Variants in SYN2 observed in about 807,000 individuals in gnomAD.
SYN2 encodes the protein synapsin II.
Under a neutral mutation model 50.9 loss-of-function variants are expected in SYN2, and 19 were observed. The ratio of observed to expected loss-of-function variants is 0.37; its 90% CI spans 0.26 to 0.55. SYN2 has a LOEUF of 0.55. Among genes scored for constraint, SYN2 ranks in the 20% least tolerant of loss-of-function variants. The pLI is 0.81. For synonymous variants in SYN2, 255 were observed against 224.9 expected (o/e 1.13, Z -1.20); for missense variants, 587 against 576.4 (o/e 1.02, Z -0.19).
intron 2 of SYN2, among the ~76,000 whole-genome samples, chr3:12,141,552 A>C (rs778667879): frequency 2.2e-4 from 33 of 152,238 alleles, no homozygotes; most frequent in Non-Finnish European, 7.3e-5. Context: ...AAACTGATAA[A>C]AAGACATTTG....
At chr3:12,179,178 C>T (rs1169457334) in intron 10 of SYN2, among the ~76,000 whole-genome samples, 2 of 151,968 alleles carry the variant, frequency 1.3e-5, no homozygotes, top group Non-Finnish European at 2.9e-5. Flanking sequence ...GGATACCAGC[C>T]CAATTAGCTT....
In SYN2 at chr3:12,168,252, G is replaced by C. The variant is rs182899314; in HGVS notation, c.1056-124G>C. ...TAAGGGTATGTGCTTGATACGGGTA[G>C]ATGGAGGGAGCAGTGGGAATGGGAG... On this transcript the variant is annotated intron_variant, in intron 8 of 12. Transcript: ENST00000621198. 6.3e-5 allele frequency: 46 copies of C among 732,128 alleles called. No individual in the cohort carries two copies. The Admixed American group carries it at 9.3e-4, about 15-fold the overall frequency. The allele number at this position is 732,128 out of a possible 1,614,324, so 45.4% of individuals were successfully genotyped here.
chr3:12,045,168 T>C (rs1045413785), intron 1 of SYN2, among the ~76,000 whole-genome samples: 1 of 152,186 alleles, frequency 6.6e-6, no homozygotes, highest in Non-Finnish European at 1.5e-5. Context: ...GTACATGTGG[T>C]ATACCATAAA....
chr3:12,163,703 A>G (rs1697713486), intron 7 of SYN2, among the ~76,000 whole-genome samples: 1 of 152,198 alleles, frequency 6.6e-6, no homozygotes. Flanking sequence ...TTTATTGTCT[A>G]GATTTGTACT....
chr3:12,040,514 G>C (rs1252685073), intron 1 of SYN2, among the ~76,000 whole-genome samples: 1 of 146,042 alleles, frequency 6.8e-6, no homozygotes, highest in Non-Finnish European at 1.5e-5. Flanking sequence ...CTCACTGCAA[G>C]CTCTGCCTCC....
At chr3:12,182,480 G>C (rs945338498) in intron 10 of SYN2, among the ~76,000 whole-genome samples, 1 of 152,210 alleles carries the variant, frequency 6.6e-6, no homozygotes, top group African/African-American at 2.4e-5. Flanking sequence ...AATCCCGTCA[G>C]GGCATAATCA....
At chr3:12,148,309 C>T (rs1257714394) in intron 4 of SYN2, among the ~76,000 whole-genome samples, 1 of 152,102 alleles carries the variant, frequency 6.6e-6, no homozygotes, top group Non-Finnish European at 1.5e-5. Flanking sequence ...CAGCAGGGCT[C>T]CCTGGCCAGA....
intron 1 of SYN2, among the ~76,000 whole-genome samples, chr3:12,036,645 A>C (rs1187257294): frequency 6.6e-6 from 1 of 152,108 alleles, no homozygotes; most frequent in African/African-American, 2.4e-5. Context: ...GGAGGGTGAA[A>C]ATCTCAAAGA....
chr3:12,149,731 T>G (rs1213010208), intron 4 of SYN2, among the ~76,000 whole-genome samples: 1 of 152,150 alleles, frequency 6.6e-6, no homozygotes, highest in Non-Finnish European at 1.5e-5. Flanking sequence ...GAGTCACCAA[T>G]TGTTTGTCAC....
chr3:12,188,971 T>C (rs1553624218), intron 12 of SYN2, among the ~76,000 whole-genome samples: 1 of 152,240 alleles, frequency 6.6e-6, no homozygotes, highest in Non-Finnish European at 1.5e-5. Context: ...TCATCCCCAG[T>C]ACTCTGCCTG....
chr3:12,078,563 C>T (rs1226770912), intron 1 of SYN2, among the ~76,000 whole-genome samples: 1 of 152,132 alleles, frequency 6.6e-6, no homozygotes, highest in Admixed American at 6.5e-5. Flanking sequence ...AATAGGAAAT[C>T]CTTTCCCCAT....
intron 1 of SYN2, among the ~76,000 whole-genome samples, chr3:12,024,264 C>T (rs1034830206): frequency 6.9e-6 from 1 of 145,712 alleles, no homozygotes; most frequent in African/African-American, 2.5e-5. Flanking sequence ...TCAAGCGATT[C>T]TCCTGCCTCA....
At chr3:12,117,958 A>G (rs1223250740) in intron 1 of SYN2, among the ~76,000 whole-genome samples, 1 of 152,196 alleles carries the variant, frequency 6.6e-6, no homozygotes, top group Admixed American at 6.5e-5. Context: ...ACAGAGATGC[A>G]TGTGATAGGC....
chr3:12,027,951 CT>C (rs35864647), intron 1 of SYN2, among the ~76,000 whole-genome samples: 83,784 of 140,936 alleles, frequency 0.59, 26,228 homozygotes, highest in South Asian at 0.75. Context: ...ATAAGTAATT[CT>C]TTTTTTTTTT....
rs310764 is a variant in SYN2 at position 12,190,574 on chromosome 3, A to G, written c.1698A>G (p.Ala566=). Residue 566 remains alanine, a synonymous_variant, in exon 13 of 13, where the codon GCA becomes GCG. Transcript: ENST00000621198. ...CAGCCAATGAGGATGAAGCCAAAGC[A>G]GAGACCATCCGGAGCTTGAGGAAGT... ...RSSANEDEAK[A]ETIRSLRKSF... 1,474,462 of 1,613,242 alleles carry G rather than the reference A, an allele frequency of 0.91. 674,526 individuals carry two copies. Among genetic ancestry groups the G allele is most frequent in the East Asian group, 1 (44,804 of 44,816 alleles).
chr3:12,100,211 TC>T (rs1696042377), intron 1 of SYN2, among the ~76,000 whole-genome samples: 1 of 152,112 alleles, frequency 6.6e-6, no homozygotes, highest in Admixed American at 6.5e-5. Context: ...ACTGGAGAAT[TC>T]CCATTTCCTG....
At chr3:12,071,085 G>A (rs947060143) in intron 1 of SYN2, 4 of 561,204 alleles carry the variant, frequency 7.1e-6, no homozygotes, top group African/African-American at 5.7e-5. Flanking sequence ...ACTCCATCAT[G>A]AAGTGTGATG....
intron 1 of SYN2, among the ~76,000 whole-genome samples, chr3:12,061,435 G>A (rs1695110994): frequency 6.6e-6 from 1 of 151,992 alleles, no homozygotes; most frequent in Non-Finnish European, 1.5e-5. Flanking sequence ...TACAAAAAAA[G>A]CCTATATTGT....
intron 1 of SYN2, among the ~76,000 whole-genome samples, chr3:12,108,731 T>C (rs974286182): frequency 2.6e-5 from 4 of 152,052 alleles, no homozygotes; most frequent in African/African-American, 9.7e-5. Context: ...CTAAAATCTG[T>C]ACTATAGGAA....
Sources: allele counts gnomAD v4.1 joint callset (sites outside exome capture counted in the v4.1 genomes callset), GRCh38; gene constraint gnomAD v4.1.1; transcripts MANE v1.5; gene names NCBI Gene and HGNC (gene_info 2026-07-23, HGNC 2026-07-21).